Variants in CCDC171 observed in about 807,000 individuals in gnomAD.
The protein encoded by CCDC171 is coiled-coil domain containing 171, also known as coiled-coil domain-containing protein 171.
CCDC171 carries 177 observed loss-of-function variants against 168.2 expected under a neutral mutation model. That is an observed-to-expected ratio of 1.05 (90% confidence interval 0.93 to 1.19). The LOEUF is 1.19. CCDC171 is among the 50% of genes most tolerant of loss of function. The pLI is 0.00. For missense variants in CCDC171, 1,991 were observed against 1,539.0 expected, an observed-to-expected ratio of 1.29 and a Z score of -4.91; for synonymous variants, 687 against 540.8, an observed-to-expected ratio of 1.27 and a Z score of -3.75.
intron 20 of CCDC171, among the ~76,000 whole-genome samples, chr9:15,781,643 C>T (rs1345243901): frequency 6.6e-6 from 1 of 152,124 alleles, no homozygotes; most frequent in Non-Finnish European, 1.5e-5. Flanking sequence ...AAACTCCTGA[C>T]CTCAGGTTAT....
chr9:15,697,007 C>G (rs1464947263), intron 11 of CCDC171, among the ~76,000 whole-genome samples: 1 of 152,178 alleles, frequency 6.6e-6, no homozygotes, highest in Non-Finnish European at 1.5e-5. Flanking sequence ...TCTCCCCTTG[C>G]TGATCCATTC....
intron 1 of CCDC171, among the ~76,000 whole-genome samples, chr9:16,053,502 C>T (rs1833784570): frequency 6.6e-6 from 1 of 152,208 alleles, no homozygotes; most frequent in Non-Finnish European, 1.5e-5. Flanking sequence ...AGTTTCCTGT[C>T]CTTGATGAAT....
At chr9:15,582,811 T>C (rs1253122304) in intron 4 of CCDC171, among the ~76,000 whole-genome samples, 1 of 151,414 alleles carries the variant, frequency 6.6e-6, no homozygotes, top group Non-Finnish European at 1.5e-5. Context: ...AGGGATAGCA[T>C]CAGGAGAAAT....
intron 1 of CCDC171, among the ~76,000 whole-genome samples, chr9:16,051,924 C>T (rs969923007): frequency 3.3e-5 from 5 of 152,172 alleles, no homozygotes; most frequent in African/African-American, 7.2e-5. Flanking sequence ...AGCAAAGTCA[C>T]GTCTTACACA....
At chr9:15,587,184 G>T (rs1032822376) in intron 4 of CCDC171, among the ~76,000 whole-genome samples, 1 of 152,082 alleles carries the variant, frequency 6.6e-6, no homozygotes. Context: ...CCGGATGTTG[G>T]AGGACTCTTT....
intron 21 of CCDC171, among the ~76,000 whole-genome samples, chr9:15,795,513 A>G (rs2058506553): frequency 6.6e-6 from 1 of 152,214 alleles, no homozygotes; most frequent in Non-Finnish European, 1.5e-5. Context: ...CAAGAAATAA[A>G]GAGGACCAAA....
chr9:15,686,315 C>G (rs879273921), intron 10 of CCDC171, among the ~76,000 whole-genome samples: 8 of 152,090 alleles, frequency 5.3e-5, no homozygotes, highest in Non-Finnish European at 1.0e-4. Context: ...AGTTGTGTGA[C>G]TTTAGTGATA....
chr9:15,725,176 A>G (rs916787717), intron 14 of CCDC171, among the ~76,000 whole-genome samples, 200 bp downstream of exon 14: 10 of 152,176 alleles, frequency 6.6e-5, no homozygotes, highest in Non-Finnish European at 1.2e-4. Flanking sequence ...AACTTGCACA[A>G]CTAATTTTTT....
At chr9:15,960,189 C>T (rs188698715) in intron 25 of CCDC171, among the ~76,000 whole-genome samples, 2 of 152,242 alleles carry the variant, frequency 1.3e-5, no homozygotes, top group East Asian at 3.9e-4. Flanking sequence ...ATAAAAATAG[C>T]AATTATGTGG....
Position 15,671,552 on chromosome 9 carries a change from C to T in CCDC171, c.1076+5229C>T, listed in dbSNP as rs61591598. On this transcript the variant is annotated intron_variant, in intron 9 of 25. Transcript: ENST00000380701. ...GGCCCCAGTGTGTGATGTTCCCTGC[C>T]CTGTGTACATGTGTTGTCATTGTTC... Among the ~76,000 whole-genome samples the T allele has an allele frequency of 5.0e-3, 744 of 150,046 alleles. 6 individuals are homozygous for T. The highest frequency in any genetic ancestry group is 0.018 in the African/African-American group (726 of 40,538).
intron 16 of CCDC171, among the ~76,000 whole-genome samples, chr9:15,731,032 A>G (rs1451898207): frequency 3.9e-5 from 6 of 152,100 alleles, no homozygotes; most frequent in Non-Finnish European, 7.4e-5. Flanking sequence ...AGAGTAAGAT[A>G]TCTATCACCT....
Position 15,666,299 on chromosome 9 carries a change from A to T in CCDC171, c.1052A>T (p.Gln351Leu). 6.2e-7 allele frequency: 1 copy of T among 1,610,062 alleles called. No individual in the cohort carries two copies. The highest frequency in any genetic ancestry group is 1.3e-5 in the African/African-American group (1 of 74,880). The part of the protein sequence containing the change: ...SAYEREKHNA[Q>L]ESFAKLNLLE... ...TATGAGCGAGAAAAGCATAATGCAC[A>T]AGAGAGCTTTGCAAAACTAAATTTG... The change falls in exon 9 of 26, where the codon CAA (glutamine) becomes CTA (leucine). Residue 351 changes from glutamine (Q) to leucine (L), a missense_variant. Gln to Leu is a moderately radical substitution (Grantham distance 113). Coordinates refer to ENST00000380701, the MANE Select transcript of CCDC171 (RefSeq NM_173550.4).
At position 15,779,116 on chromosome 9, in the gene CCDC171, G is replaced by T; in HGVS notation, c.3047G>T (p.Gly1016Val). ...AAAAAGGAGCTTGACAAAGCCCAGGGTCTGCAAATGCAATTAAATGAATTT... is the reference window on the plus strand; with the variant it reads ...AAAAAGGAGCTTGACAAAGCCCAGGTTCTGCAAATGCAATTAAATGAATTT... ...EMKKELDKAQ[G>V]LQMQLNEFKQ... is the part of the protein sequence containing the mutation. Residue 1016 changes from glycine (G) to valine (V), a missense_variant, in exon 20 of 26, where the codon GGT becomes GTT. Physicochemically the swap from Gly to Val is moderately radical, Grantham distance 109. Transcript: ENST00000380701. 6.3e-7 allele frequency: 1 copy of T among 1,586,238 alleles called. No homozygotes were observed. The highest frequency in any genetic ancestry group is 8.5e-7 in the Non-Finnish European group (1 of 1,169,680).
At chr9:15,595,700 C>G (rs1438641783) in intron 6 of CCDC171, among the ~76,000 whole-genome samples, 1 of 152,118 alleles carries the variant, frequency 6.6e-6, no homozygotes, top group African/African-American at 2.4e-5. Flanking sequence ...ATTTCTAGTT[C>G]TAGATCCCTG....
intron 6 of CCDC171, among the ~76,000 whole-genome samples, chr9:15,607,135 A>G (rs952685997): frequency 6.6e-5 from 10 of 152,010 alleles, no homozygotes; most frequent in South Asian, 6.2e-4. Context: ...TGAACATACA[A>G]CCCCCCCAGG....
chr9:15,909,844 C>T (rs753421912), intron 24 of CCDC171, among the ~76,000 whole-genome samples: 2 of 151,964 alleles, frequency 1.3e-5, no homozygotes, highest in African/African-American at 2.4e-5. Context: ...TTTATTTTTA[C>T]ATATTTAGGA....
At chr9:15,752,652 A>G (rs991465271) in intron 18 of CCDC171, among the ~76,000 whole-genome samples, 6 of 152,274 alleles carry the variant, frequency 3.9e-5, no homozygotes, top group Admixed American at 1.3e-4. Context: ...ACAGAAAACC[A>G]AACAGCGCAT....
downstream of CCDC171, among the ~76,000 whole-genome samples, chr9:16,066,566 T>A (rs375832813): frequency 8.7e-5 from 13 of 149,694 alleles, no homozygotes; most frequent in African/African-American, 3.2e-4. Context: ...ACCCACTAAC[T>A]CGTCATCTAG....
intron 5 of CCDC171, among the ~76,000 whole-genome samples, chr9:15,592,443 T>C (rs1269058285): frequency 1.3e-5 from 2 of 152,180 alleles, no homozygotes; most frequent in African/African-American, 2.4e-5. Flanking sequence ...TGGAAATGTG[T>C]CTTTACTAAA....
Sources: allele counts gnomAD v4.1 joint callset (sites outside exome capture counted in the v4.1 genomes callset), GRCh38; gene constraint gnomAD v4.1.1; transcripts MANE v1.5; gene names NCBI Gene and HGNC (gene_info 2026-07-23, HGNC 2026-07-21).